The following TPRG1 variants were observed in gnomAD, a reference collection of about 807,000 sequenced individuals.
TPRG1 encodes tumor protein p63-regulated gene 1 protein.
TPRG1 carries 29 observed loss-of-function variants against 29.3 expected under a neutral mutation model. The ratio of observed to expected loss-of-function variants is 0.99; its 90% CI spans 0.74 to 1.35. The LOEUF is 1.35. TPRG1 is among the 40% of genes most tolerant of loss of function. The pLI is 0.00. For synonymous variants in TPRG1, 130 were observed against 116.8 expected, an observed-to-expected ratio of 1.11 and a Z score of -0.73; for missense variants, 327 against 335.0, an observed-to-expected ratio of 0.98 and a Z score of 0.19.
chr3:189,281,515 C>T (rs1203019054), intron 4 of TPRG1, among the ~76,000 whole-genome samples: 3 of 152,198 alleles, frequency 2.0e-5, no homozygotes, highest in Non-Finnish European at 4.4e-5. Flanking sequence ...GCCAATCACC[C>T]ATTGAACTAT....
intron 3 of TPRG1, among the ~76,000 whole-genome samples, chr3:189,019,104 T>C (rs1454981770): frequency 1.3e-5 from 2 of 151,692 alleles, no homozygotes; most frequent in Non-Finnish European, 2.9e-5. Flanking sequence ...TTTGCTGAAG[T>C]TGCTTATCAG....
chr3:189,155,575 T>G (rs547259278), intron 5 of TPRG1, among the ~76,000 whole-genome samples: 52 of 152,168 alleles, frequency 3.4e-4, no homozygotes, highest in African/African-American at 1.2e-3. Context: ...TATGGAAGTG[T>G]CAAGGGTCAA....
chr3:189,297,634 T>C (rs1011999088), intron 4 of TPRG1, among the ~76,000 whole-genome samples: 1 of 152,180 alleles, frequency 6.6e-6, no homozygotes, highest in Non-Finnish European at 1.5e-5. Context: ...CAGATGCTCA[T>C]TAGAGTTTCT....
chr3:189,072,337 T>C (rs1578287370), intron 4 of TPRG1, among the ~76,000 whole-genome samples: 1 of 152,332 alleles, frequency 6.6e-6, no homozygotes, highest in Non-Finnish European at 1.5e-5. Flanking sequence ...TTAGGTGTCA[T>C]GTTTCTTTAC....
chr3:189,164,414 G>A (rs1413655505), intron 5 of TPRG1, among the ~76,000 whole-genome samples: 1 of 152,010 alleles, frequency 6.6e-6, no homozygotes, highest in Non-Finnish European at 1.5e-5. Flanking sequence ...CACCCGCCTC[G>A]GCCTCCCAAA....
At chr3:189,191,972 C>T (rs1030688357) in intron 1 of TPRG1, among the ~76,000 whole-genome samples, 1 of 152,118 alleles carries the variant, frequency 6.6e-6, no homozygotes, top group South Asian at 2.1e-4. Context: ...GACATTATAA[C>T]TGAACACACT....
intron 4 of TPRG1, among the ~76,000 whole-genome samples, chr3:189,085,994 G>A (rs1436358062): frequency 1.3e-5 from 2 of 152,110 alleles, no homozygotes; most frequent in South Asian, 2.1e-4. Context: ...TCACACCATC[G>A]CAAGATGAAG....
chr3:189,078,668 A>G (rs1301023479), intron 4 of TPRG1, among the ~76,000 whole-genome samples: 2 of 152,186 alleles, frequency 1.3e-5, no homozygotes, highest in African/African-American at 4.8e-5. Flanking sequence ...ATCTTTTGAT[A>G]ATAGATATAT....
intron 1 of TPRG1, among the ~76,000 whole-genome samples, chr3:189,103,885 C>T (rs1286079807): frequency 6.6e-6 from 1 of 152,078 alleles, no homozygotes; most frequent in Non-Finnish European, 1.5e-5. Flanking sequence ...CATCACAGTT[C>T]CTGAGTTTTT....
intron 5 of TPRG1, among the ~76,000 whole-genome samples, chr3:189,163,596 G>A (rs1242308369): frequency 6.6e-6 from 1 of 152,090 alleles, no homozygotes; most frequent in African/African-American, 2.4e-5. Flanking sequence ...ATGAAATGAC[G>A]ACTTTTACGG....
intron 4 of TPRG1, among the ~76,000 whole-genome samples, chr3:189,308,847 T>C (rs897453927): frequency 6.6e-6 from 1 of 152,082 alleles, no homozygotes; most frequent in African/African-American, 2.4e-5. Context: ...TCCAGAATGC[T>C]CCATTTACCA....
chr3:189,169,999 C>T (rs1728619209), upstream of TPRG1, among the ~76,000 whole-genome samples: 1 of 152,190 alleles, frequency 6.6e-6, no homozygotes, highest in Non-Finnish European at 1.5e-5. Context: ...CGCTGGAAAC[C>T]TAACGATAAT....
intron 3 of TPRG1, chr3:189,217,941 C>T: frequency 2.0e-6 from 2 of 985,328 alleles, no homozygotes; most frequent in Non-Finnish European, 2.4e-6. Flanking sequence ...ATCCCAACTC[C>T]CCCAACAGCA....
At chr3:189,216,449 T>C (rs1328206890) in intron 3 of TPRG1, among the ~76,000 whole-genome samples, 1 of 152,216 alleles carries the variant, frequency 6.6e-6, no homozygotes, top group Non-Finnish European at 1.5e-5. Context: ...CACCATTTTA[T>C]ACTATTGTTT....
At chr3:189,009,008 G>A (rs1024677360) in intron 3 of TPRG1, among the ~76,000 whole-genome samples, 9 of 152,082 alleles carry the variant, frequency 5.9e-5, no homozygotes, top group African/African-American at 1.4e-4. Context: ...AAGGGTGTGC[G>A]AGTAAACTGG....
intron 1 of TPRG1, among the ~76,000 whole-genome samples, chr3:189,103,207 G>A (rs1719410222): frequency 6.6e-6 from 1 of 152,180 alleles, no homozygotes; most frequent in Non-Finnish European, 1.5e-5. Context: ...TGGAACAGAA[G>A]CATGCCCATT....
At chr3:189,180,882 C>A (rs1730125018) in intron 1 of TPRG1, among the ~76,000 whole-genome samples, 1 of 152,202 alleles carries the variant, frequency 6.6e-6, no homozygotes, top group South Asian at 2.1e-4. Context: ...CCATGAGAGC[C>A]TCACCCCTGC....
chr3:189,206,829 G>GTGTGTGTGTGTGTGTGTGTGTA (rs57361380), intron 1 of TPRG1, among the ~76,000 whole-genome samples: 1 of 151,494 alleles, frequency 6.6e-6, no homozygotes, highest in African/African-American at 2.4e-5. Context: ...GTGTGTGTGT[G>GTGTGTGTGTGTGTGTGTGTGTA]CACGCGTGTA....
At chr3:189,190,985 A>G in intron 1 of TPRG1, 1 of 984,964 alleles carries the variant, frequency 1.0e-6, no homozygotes, top group Non-Finnish European at 1.2e-6. Flanking sequence ...CGAATATCAC[A>G]GGTAGGTCTT....
Sources: allele counts gnomAD v4.1 joint callset (sites outside exome capture counted in the v4.1 genomes callset), GRCh38; gene constraint gnomAD v4.1.1; transcripts MANE v1.5; gene names NCBI Gene and HGNC (gene_info 2026-07-23, HGNC 2026-07-21).